Variants in HMGCLL1 observed in about 807,000 individuals in gnomAD.
The protein encoded by HMGCLL1 is 3-hydroxy-3-methylglutaryl-CoA lyase like 1.
Under a neutral mutation model 39.1 loss-of-function variants are expected in HMGCLL1, and 36 were observed. The ratio of observed to expected loss-of-function variants is 0.92; its 90% CI spans 0.71 to 1.22. The LOEUF is 1.22. Ranked by LOEUF, HMGCLL1 falls within the 50% of genes most tolerant of loss-of-function variation. HMGCLL1 has a pLI of 0.00. For synonymous variants in HMGCLL1, 149 were observed against 144.0 expected (o/e 1.03, Z -0.25); for missense variants, 451 against 416.5 (o/e 1.08, Z -0.72).
At chr6:55,608,571 G>GA in the HMGCLL1 span, among the ~76,000 whole-genome samples, 2 of 151,826 alleles carry the variant, frequency 1.3e-5, no homozygotes, top group African/African-American at 4.8e-5. Context: ...GCAAAATAAA[G>GA]AAAAAAAGCC....
intron 3 of HMGCLL1, among the ~76,000 whole-genome samples, chr6:55,539,199 C>A (rs570869669): frequency 6.6e-6 from 1 of 152,192 alleles, no homozygotes; most frequent in South Asian, 2.1e-4. Context: ...AAAAACGTGG[C>A]CAGGTATAGA....
intron 3 of HMGCLL1, among the ~76,000 whole-genome samples, chr6:55,533,029 C>T (rs1768779541): frequency 6.6e-6 from 1 of 151,250 alleles, no homozygotes. Flanking sequence ...TGCATTTCAA[C>T]TTAATCCCTA....
intron 1 of HMGCLL1, among the ~76,000 whole-genome samples, chr6:55,563,189 A>G (rs1036100419): frequency 4.6e-5 from 7 of 152,274 alleles, no homozygotes; most frequent in South Asian, 2.1e-4. Flanking sequence ...TAAATTTTAT[A>G]AACACTCGGA....
At chr6:55,551,212 A>C (rs2127464559) in intron 1 of HMGCLL1, among the ~76,000 whole-genome samples, 1 of 152,008 alleles carries the variant, frequency 6.6e-6, no homozygotes, top group African/African-American at 2.4e-5. Context: ...AGAATACCAA[A>C]AATTTCAGAT....
chr6:55,440,529 G>A lies in HMGCLL1; in HGVS notation c.796-970C>T, dbSNP rs1763549785. The stretch of plus-strand genomic sequence containing the variant: ...CTGAGAAGGGCCCCGGAGTTCAAAT[G>A]TTAATAATATGAGAAGAACAGAGGC... On this transcript the variant is annotated intron_variant, in intron 7 of 8. Transcript: ENST00000274901. 2.0e-5 allele frequency among the ~76,000 whole-genome samples: 3 copies of A among 152,116 alleles called. No homozygotes were observed. The South Asian group carries it at 6.2e-4, about 32-fold the overall frequency.
At chr6:55,563,882 A>G (rs745349815) in intron 1 of HMGCLL1, 2 of 1,288,188 alleles carry the variant, frequency 1.6e-6, no homozygotes, top group East Asian at 5.6e-5. Flanking sequence ...TGAGAGGTCC[A>G]TGGTGCAGCA....
At chr6:55,465,446 A>AT (rs1561896532) in intron 7 of HMGCLL1, among the ~76,000 whole-genome samples, 2 of 152,104 alleles carry the variant, frequency 1.3e-5, no homozygotes, top group African/African-American at 2.4e-5. Flanking sequence ...ATTCCTAATT[A>AT]TTTTTTATCA....
the HMGCLL1 span, among the ~76,000 whole-genome samples, chr6:55,608,830 A>T: frequency 1.3e-5 from 2 of 152,250 alleles, no homozygotes; most frequent in African/African-American, 4.8e-5. Context: ...GACACTCACC[A>T]AGGAGAACCA....
At chr6:55,674,890 A>G in the HMGCLL1 span, among the ~76,000 whole-genome samples, 10 of 152,114 alleles carry the variant, frequency 6.6e-5, no homozygotes. Flanking sequence ...TTTAAATTAG[A>G]CATCTGCTGA....
the HMGCLL1 span, among the ~76,000 whole-genome samples, chr6:55,673,892 G>C: frequency 6.6e-6 from 1 of 152,030 alleles, no homozygotes; most frequent in Non-Finnish European, 1.5e-5. Context: ...TAGATTGAGA[G>C]ACTTAGGCTT....
intron 3 of HMGCLL1, among the ~76,000 whole-genome samples, chr6:55,526,851 T>A (rs149771243): frequency 6.6e-6 from 1 of 152,106 alleles, no homozygotes; most frequent in Non-Finnish European, 1.5e-5. Context: ...AGGCTTTCCT[T>A]ATTGAAGTAG....
intron 1 of HMGCLL1, among the ~76,000 whole-genome samples, chr6:55,570,248 C>T (rs1561969023): frequency 1.3e-5 from 2 of 152,136 alleles, no homozygotes; most frequent in Non-Finnish European, 2.9e-5. Context: ...CAGCTATAAA[C>T]TCAGCTTCAC....
intron 8 of HMGCLL1, among the ~76,000 whole-genome samples, chr6:55,436,626 TA>T (rs1763382271): frequency 6.6e-6 from 1 of 152,022 alleles, no homozygotes; most frequent in Admixed American, 6.6e-5. Context: ...AATGTGGGCT[TA>T]AAATTGAAAA....
At chr6:55,677,381 A>AC in the HMGCLL1 span, among the ~76,000 whole-genome samples, 1 of 150,564 alleles carries the variant, frequency 6.6e-6, no homozygotes, top group Non-Finnish European at 1.5e-5. Context: ...AACAGAAACA[A>AC]CCCCCCCGAC....
At chr6:55,591,915 T>C in the HMGCLL1 span, among the ~76,000 whole-genome samples, 3 of 151,962 alleles carry the variant, frequency 2.0e-5, no homozygotes, top group Admixed American at 1.3e-4. Context: ...ATTTCACAAA[T>C]CTCAAATCTC....
chr6:55,671,723 T>C, the HMGCLL1 span, among the ~76,000 whole-genome samples: 16 of 151,876 alleles, frequency 1.1e-4, no homozygotes, highest in Admixed American at 1.1e-3. Context: ...TGGATGAAAA[T>C]TCAACTTTTA....
the HMGCLL1 span, among the ~76,000 whole-genome samples, chr6:55,650,106 T>TATATATATATATATACACACATATAC: frequency 1.4e-5 from 1 of 71,170 alleles, no homozygotes; most frequent in South Asian, 5.4e-4. Flanking sequence ...TATATATATA[T>TATATATATATATATACACACATATAC]ATATATATAT....
rs563800414 is a variant in HMGCLL1 at position 55,519,496 on chromosome 6, A to G, written c.298-2893T>C. Among the ~76,000 whole-genome samples, 55 of 152,236 alleles carry G rather than the reference A, an allele frequency of 3.6e-4. 1 individual carries two copies. The South Asian group carries it at 6.8e-3, about 19-fold the overall frequency. On this transcript the variant is annotated intron_variant, in intron 3 of 8. Transcript: ENST00000274901. ...GAATTTAGCTTTTGTGCTTGATGCT[A>G]TTTAGAGTGTGAGTACTCTCTGTCT... is the stretch of plus-strand genomic sequence containing the variant.
intron 1 of HMGCLL1, among the ~76,000 whole-genome samples, chr6:55,566,968 G>A (rs1420215317): frequency 2.0e-5 from 3 of 152,012 alleles, no homozygotes; most frequent in Non-Finnish European, 4.4e-5. Flanking sequence ...AGAAATGTTG[G>A]TTATATTTAC....
Sources: gnomAD v4.1 joint callset for allele counts (sites outside exome capture counted in the v4.1 genomes callset) on GRCh38, gnomAD v4.1.1 for gene constraint, MANE v1.5 for transcripts, NCBI Gene and HGNC (gene_info 2026-07-23, HGNC 2026-07-21) for gene names.